Variants in PAXIP1 observed in about 807,000 individuals in gnomAD.
The protein encoded by PAXIP1 is PAX interacting protein 1, also known as PAX-interacting protein 1.
A neutral mutation model predicts 140.6 loss-of-function variants in PAXIP1; 19 were observed. The observed-to-expected ratio is 0.14, with a 90% CI of 0.09 to 0.20. The LOEUF is 0.20. PAXIP1 is among the 10% of genes least tolerant of loss of function. PAXIP1 has a pLI of 1.00. For synonymous variants in PAXIP1, 442 were observed against 444.6 expected, an observed-to-expected ratio of 0.99 and a Z score of 0.07; for missense variants, 920 against 1,208.6, an observed-to-expected ratio of 0.76 and a Z score of 3.54.
chr7:154,946,380 G>A lies in PAXIP1; in HGVS notation c.3179C>T (p.Thr1060Met), dbSNP rs779976449. 15 of 1,613,800 alleles carry A rather than the reference G, an allele frequency of 9.3e-6. No individual in the cohort carries two copies. Among genetic ancestry groups the A allele is most frequent in the East Asian group, 4.5e-5 (2 of 44,890 alleles). Reference sequence around the variant, plus strand: ...GAAAGGATATGATTCATAGTCCAGCGTTTGAGTGAGCACTCCAGTCAGAAC... The same window carrying A: ...GAAAGGATATGATTCATAGTCCAGCATTTGAGTGAGCACTCCAGTCAGAAC... ...EFVLTGVLTQ[T>M]LDYESYKFN The change falls in exon 20 of 21, where the codon ACG (threonine) becomes ATG (methionine). Residue 1060 changes from threonine (T) to methionine (M), a missense_variant. Thr to Met is a moderately conservative substitution (Grantham distance 81, BLOSUM62 -1). Around this residue, in one of 5 missense-constraint regions of PAXIP1, gnomAD observed 303 missense variants for 517.9 expected, o/e 0.59. Coordinates refer to ENST00000404141, the MANE Select transcript of PAXIP1 (RefSeq NM_007349.4). This position sits in a 1 kb window ranked among gnomAD's most constrained non-coding sequence, Gnocchi z 4.9.
chr7:154,990,939 T>C lies in PAXIP1; in HGVS notation c.324+67A>G, dbSNP rs547691659. ...CTAAAACTGGTTAACAGGTCATAAATCCAACCATACAAAAACTCAGAAGTG... is the reference window on the plus strand; with the variant it reads ...CTAAAACTGGTTAACAGGTCATAAACCCAACCATACAAAAACTCAGAAGTG... On this transcript the variant is annotated intron_variant, in intron 4 of 20. Coordinates refer to ENST00000404141, the MANE Select transcript of PAXIP1 (RefSeq NM_007349.4). 7 of 931,108 alleles carry C rather than the reference T, an allele frequency of 7.5e-6. No homozygotes were observed. The African/African-American group carries it at 1.0e-4, about 14-fold the overall frequency. The allele number at this position is 931,108 out of a possible 1,614,324, so 57.7% of individuals were successfully genotyped here. A position where few individuals can be genotyped will look rare whatever the true frequency, so the allele number is the denominator to read the frequency against.
In PAXIP1 at chr7:154,956,148, C is replaced by T. The variant is rs1196948270; in HGVS notation, c.2550-517G>A. ...CCTCTTCAACCACAAATTATAAAAA[C>T]GTGGCTCTGCTCAAGCACACGTTTT... On this transcript the variant is annotated intron_variant, in intron 14 of 20. Coordinates refer to ENST00000404141, the MANE Select transcript of PAXIP1 (RefSeq NM_007349.4). This position sits in a 1 kb window ranked among gnomAD's most constrained non-coding sequence, Gnocchi z 4.2. Among the ~76,000 whole-genome samples the T allele has an allele frequency of 2.0e-5, 3 of 152,206 alleles. No homozygotes were observed. Among genetic ancestry groups the T allele is most frequent in the Admixed American group, 6.5e-5 (1 of 15,286 alleles).
In PAXIP1 at chr7:154,973,561, A is replaced by G. The variant is rs867670324; in HGVS notation, c.1074+2135T>C. 6.6e-6 allele frequency among the ~76,000 whole-genome samples: 1 copy of G among 152,150 alleles called. No individual in the cohort carries two copies. Among genetic ancestry groups the G allele is most frequent in the Non-Finnish European group, 1.5e-5 (1 of 68,030 alleles). ...ACATCTAAAGGGCATGTTTGCCTCT[A>G]TCTTACTCTGGATGCCAGCCAACCG... is the stretch of plus-strand genomic sequence containing the variant. On this transcript the variant is annotated intron_variant, in intron 6 of 20. Transcript: ENST00000404141. This position sits in a 1 kb window ranked among gnomAD's most constrained non-coding sequence, Gnocchi z 4.0.
chr7:154,990,951 A>AAGTATGTGACACATAC, intron 4 of PAXIP1, 55 bp downstream of exon 4: 1 of 1,078,250 alleles, frequency 9.3e-7, no homozygotes, highest in Non-Finnish European at 1.4e-6. Context: ...CAACCATACA[A>AAGTATGTGACACATAC]AAACTCAGAA....
intron 13 of PAXIP1, among the ~76,000 whole-genome samples, chr7:154,959,322 TA>T (rs913619851): frequency 6.6e-6 from 1 of 151,794 alleles, no homozygotes; most frequent in Non-Finnish European, 1.5e-5. Context: ...TGGCCAACAG[TA>T]AAAAAAACTG....
chr7:154,950,594 A>G (rs940928257), intron 16 of PAXIP1: 5 of 152,076 alleles, frequency 3.3e-5, no homozygotes, highest in Admixed American at 1.3e-4. Context: ...AGCTAAACAT[A>G]CTCTTACCAT....
In PAXIP1 at chr7:154,986,786, G is replaced by A. The variant is rs1329904856; in HGVS notation, c.325-3454C>T. The stretch of plus-strand genomic sequence containing the variant: ...CACACTGGGGATTCCAATTCATCAC[G>A]CTAAGTGATGAACTGCGGGAAGTAC... On this transcript the variant is annotated intron_variant, in intron 4 of 20. Coordinates refer to ENST00000404141, the MANE Select transcript of PAXIP1 (RefSeq NM_007349.4). The surrounding 1 kb of genome is among the most constrained non-coding windows in gnomAD (Gnocchi z 4.8). 5.3e-5 allele frequency among the ~76,000 whole-genome samples: 8 copies of A among 152,060 alleles called. No homozygotes were observed. Among genetic ancestry groups the A allele is most frequent in the Non-Finnish European group, 7.4e-5 (5 of 68,006 alleles).
chr7:154,994,319 G>GTA (rs1439583974), intron 2 of PAXIP1, among the ~76,000 whole-genome samples: 2 of 151,944 alleles, frequency 1.3e-5, no homozygotes, highest in Non-Finnish European at 2.9e-5. Flanking sequence ...AAATTATCTT[G>GTA]TTTCTATGTT....
intron 4 of PAXIP1, chr7:154,985,905 G>A (rs1161143724): frequency 4.8e-6 from 4 of 830,374 alleles, no homozygotes; most frequent in East Asian, 6.2e-5. Context: ...AGGCAGTCAA[G>A]AAATACTGTT....
chr7:155,003,288 G>A (rs1035300974), upstream of PAXIP1, among the ~76,000 whole-genome samples: 1 of 151,830 alleles, frequency 6.6e-6, no homozygotes, highest in Admixed American at 6.6e-5. Context: ...GCGGTTCCGT[G>A]GCCGCCGCTC....
At chr7:154,960,010 T>C in intron 12 of PAXIP1, 77 bp from the exon 13 acceptor site, 1 of 891,732 alleles carries the variant, frequency 1.1e-6, no homozygotes, top group Non-Finnish European at 1.9e-6. Context: ...AAGTCTTCCC[T>C]GATAATCCTC....
At chr7:154,969,724 G>A (rs1809209320) in intron 6 of PAXIP1, among the ~76,000 whole-genome samples, 1 of 152,176 alleles carries the variant, frequency 6.6e-6, no homozygotes, top group Non-Finnish European at 1.5e-5. Flanking sequence ...CCCAAGCTGT[G>A]AGTCCAAGAG....
chr7:154,947,710 G>T (rs1412065348), intron 17 of PAXIP1, 193 bp downstream of exon 17: 2 of 553,434 alleles, frequency 3.6e-6, no homozygotes, highest in African/African-American at 1.9e-5. Context: ...AAGTTCTCTA[G>T]AGATGTGCTG....
intron 4 of PAXIP1, 50 bp downstream of exon 4, chr7:154,990,956 T>C: frequency 8.9e-7 from 1 of 1,119,444 alleles, no homozygotes; most frequent in Non-Finnish European, 1.3e-6. Flanking sequence ...ATACAAAAAC[T>C]CAGAAGTGTC....
intron 6 of PAXIP1, among the ~76,000 whole-genome samples, chr7:154,972,177 C>T (rs1178236657): frequency 6.6e-6 from 1 of 152,188 alleles, no homozygotes; most frequent in Non-Finnish European, 1.5e-5. Context: ...TTTAAACCAA[C>T]ATCCATTGTA....
At chr7:154,970,696 G>A (rs1327426365) in intron 6 of PAXIP1, among the ~76,000 whole-genome samples, 2 of 152,198 alleles carry the variant, frequency 1.3e-5, no homozygotes, top group Non-Finnish European at 2.9e-5. Context: ...AAGCATGCAC[G>A]TGTGGGGCAC....
At chr7:154,993,564 A>C (rs528545805) in intron 3 of PAXIP1, among the ~76,000 whole-genome samples, 162 bp downstream of exon 3, 1 of 152,332 alleles carries the variant, frequency 6.6e-6, no homozygotes, top group East Asian at 1.9e-4. Context: ...GATCAGGTAC[A>C]TAAAATTTGA....
At chr7:155,002,723 G>A (rs1309795269) in intron 1 of PAXIP1, 126 bp downstream of exon 1, 4 of 417,998 alleles carry the variant, frequency 9.6e-6, no homozygotes, top group African/African-American at 8.5e-5. Context: ...TCAGGCCAGC[G>A]GCCTCGGCGG....
chr7:154,976,798 A>G (rs1310222820), intron 5 of PAXIP1, among the ~76,000 whole-genome samples: 1 of 152,198 alleles, frequency 6.6e-6, no homozygotes, highest in Non-Finnish European at 1.5e-5. Context: ...TGACTTGCAT[A>G]GGACAGCTCT....
Sources: allele counts gnomAD v4.1 joint callset (sites outside exome capture counted in the v4.1 genomes callset), GRCh38; gene constraint gnomAD v4.1.1; regional missense constraint gnomAD v4.1.1; non-coding constraint Gnocchi (gnomAD v3.1); transcripts MANE v1.5; gene names NCBI Gene and HGNC (gene_info 2026-07-23, HGNC 2026-07-21).